Variants in PSD3 observed in about 807,000 individuals in gnomAD.
The protein encoded by PSD3 is PH and SEC7 domain-containing protein 3.
In PSD3, 49 loss-of-function variants were observed where a neutral mutation model predicts 105.5. The observed-to-expected ratio is 0.46, with a 90% confidence interval of 0.37 to 0.59. The LOEUF is 0.59. PSD3 is among the 20% of genes least tolerant of loss of function. The pLI, the probability that PSD3 is intolerant of heterozygous loss-of-function variation, is 0.00. For synonymous variants in PSD3, 557 were observed against 457.8 expected (o/e 1.22, Z -2.77); for missense variants, 1,561 against 1,263.8 (o/e 1.24, Z -3.57).
intron 4 of PSD3, among the ~76,000 whole-genome samples, chr8:18,844,613 A>T (rs1023819762): frequency 1.3e-5 from 2 of 152,178 alleles, no homozygotes; most frequent in African/African-American, 4.8e-5. Context: ...AAAAAATCAG[A>T]CTAGAACATA....
chr8:19,015,926 A>C (rs1347534551), upstream of PSD3, among the ~76,000 whole-genome samples: 1 of 152,226 alleles, frequency 6.6e-6, no homozygotes, highest in Non-Finnish European at 1.5e-5. Context: ...TATAAAGCTG[A>C]TCACATCTAT....
intron 1 of PSD3, among the ~76,000 whole-genome samples, chr8:19,075,601 T>A (rs189924958): frequency 2.0e-5 from 3 of 152,330 alleles, no homozygotes; most frequent in Non-Finnish European, 4.4e-5. Context: ...CTGAAGTGCA[T>A]CTCTACTGAG....
intron 9 of PSD3, among the ~76,000 whole-genome samples, chr8:18,743,845 G>T (rs1039148739): frequency 6.6e-6 from 1 of 151,606 alleles, no homozygotes; most frequent in Non-Finnish European, 1.5e-5. Flanking sequence ...GCTACTTTGA[G>T]GGGGGAGGTT....
chr8:18,816,730 C>T (rs192590619), intron 4 of PSD3, among the ~76,000 whole-genome samples: 2 of 152,290 alleles, frequency 1.3e-5, no homozygotes, highest in African/African-American at 4.8e-5. Flanking sequence ...TCCCTCTGTT[C>T]CTGCCTTTCA....
At chr8:18,628,036 T>C (rs985321514) in intron 11 of PSD3, among the ~76,000 whole-genome samples, 26 of 151,600 alleles carry the variant, frequency 1.7e-4, no homozygotes, top group Middle Eastern at 3.4e-3. Context: ...GATTATGAAA[T>C]GAAAAATGAA....
At chr8:19,056,917 T>C (rs1216258806) in intron 1 of PSD3, among the ~76,000 whole-genome samples, 1 of 152,188 alleles carries the variant, frequency 6.6e-6, no homozygotes, top group Non-Finnish European at 1.5e-5. Context: ...TCCCAAGCTG[T>C]GGGTGATGAG....
In PSD3 at chr8:18,925,204, C is replaced by T. The variant is rs62495872; in HGVS notation, c.130+10830G>A. Among the ~76,000 whole-genome samples, 768 of 152,236 alleles carry T rather than the reference C, an allele frequency of 5.0e-3. 5 individuals are homozygous for T. Among genetic ancestry groups the T allele is most frequent in the Non-Finnish European group, 8.8e-3 (597 of 68,020 alleles). On this transcript the variant is annotated intron_variant, in intron 2 of 15. Transcript: ENST00000327040. ...GAGTTTGAGACCTGCCGGGGCAGCACAGCCAAACCCCATCTCTACAAAACA... is the reference window on the plus strand; with the variant it reads ...GAGTTTGAGACCTGCCGGGGCAGCATAGCCAAACCCCATCTCTACAAAACA...
rs768154468 is a variant in PSD3 at position 18,530,327 on chromosome 8, G to C, written c.*5416C>G. The C allele has an allele frequency of 1.3e-5, 2 of 152,304 alleles. No individual in the cohort carries two copies. Among genetic ancestry groups the C allele is most frequent in the East Asian group, 1.9e-4 (1 of 5,196 alleles). 9.4% of individuals were successfully genotyped at this position (152,304 alleles called of 1,614,324 possible). A position where few individuals can be genotyped will look rare whatever the true frequency, so the allele number is the denominator to read the frequency against. ...AATATTTAAAATAAAGTTTAAACCT[G>C]GTCCTGAAATTCTTTTACCTGTGAC... On this transcript the variant is annotated 3_prime_UTR_variant, in exon 16 of 16. Transcript: ENST00000327040.
chr8:18,618,949 A>T (rs1437176187), intron 11 of PSD3, among the ~76,000 whole-genome samples: 1 of 152,138 alleles, frequency 6.6e-6, no homozygotes, highest in Non-Finnish European at 1.5e-5. Flanking sequence ...ATATCACGGA[A>T]CTTCCTTTTG....
intron 1 of PSD3, among the ~76,000 whole-genome samples, chr8:18,951,440 G>A (rs1823230347): frequency 6.6e-6 from 1 of 152,108 alleles, no homozygotes; most frequent in Admixed American, 6.6e-5. Context: ...CCACGGAACA[G>A]CAGGGCAGTG....
At chr8:18,844,453 G>C (rs1018996171) in intron 4 of PSD3, among the ~76,000 whole-genome samples, 4 of 152,134 alleles carry the variant, frequency 2.6e-5, no homozygotes, top group African/African-American at 7.2e-5. Context: ...GTCTTACATG[G>C]AAACAACTTA....
intron 1 of PSD3, among the ~76,000 whole-genome samples, chr8:18,987,280 A>T (rs370610517): frequency 3.2e-4 from 48 of 148,010 alleles, no homozygotes; most frequent in African/African-American, 1.1e-3. Context: ...TTTCTTTTTT[A>T]TTTTTTTTTT....
chr8:18,954,988 G>A (rs570585165), intron 1 of PSD3, among the ~76,000 whole-genome samples: 4 of 152,160 alleles, frequency 2.6e-5, no homozygotes, highest in Non-Finnish European at 5.9e-5. Context: ...AGACAACGAG[G>A]GAGTCAAATA....
At chr8:18,819,203 CA>C in intron 4 of PSD3, among the ~76,000 whole-genome samples, 1 of 152,328 alleles carries the variant, frequency 6.6e-6, no homozygotes, top group East Asian at 1.9e-4. Flanking sequence ...CAGCTGTTGA[CA>C]AAGCCAGGCT....
At chr8:18,791,728 C>T (rs150316420) in intron 8 of PSD3, among the ~76,000 whole-genome samples, 109 of 152,168 alleles carry the variant, frequency 7.2e-4, no homozygotes, top group Admixed American at 1.7e-3. Flanking sequence ...AATTGACAAA[C>T]GGGATCCAAT....
rs560066044 is a variant in PSD3 at position 19,012,535 on chromosome 8, C to G, written c.21+1028G>C. Among the ~76,000 whole-genome samples, 6 of 152,242 alleles carry G rather than the reference C, an allele frequency of 3.9e-5. No individual in the cohort carries two copies. In the East Asian group the frequency reaches 1.2e-3, roughly 29 times the overall value. Reference sequence around the variant, plus strand: ...CCCTTTCAAGGTCCAGCATAACTGCCAGCTCCTCTCTGAGAACTTCCAAGC... The same window carrying G: ...CCCTTTCAAGGTCCAGCATAACTGCGAGCTCCTCTCTGAGAACTTCCAAGC... On this transcript the variant is annotated intron_variant, in intron 1 of 15. Transcript: ENST00000327040.
At chr8:18,922,775 C>T (rs552401072) in intron 2 of PSD3, among the ~76,000 whole-genome samples, 26 of 152,246 alleles carry the variant, frequency 1.7e-4, no homozygotes, top group Admixed American at 1.7e-3. Flanking sequence ...AATCAGCTCA[C>T]AGAACACAGG....
At chr8:19,041,425 T>C (rs1373332660) in intron 1 of PSD3, among the ~76,000 whole-genome samples, 1 of 152,210 alleles carries the variant, frequency 6.6e-6, no homozygotes, top group African/African-American at 2.4e-5. Context: ...GGTAAAGGGA[T>C]GCACTTTGTG....
upstream of PSD3, among the ~76,000 whole-genome samples, chr8:19,015,399 A>G (rs1001689133): frequency 6.6e-6 from 1 of 152,162 alleles, no homozygotes; most frequent in South Asian, 2.1e-4. Context: ...GAATACAGGC[A>G]TATTTCTCGT....
Sources: gnomAD v4.1 joint callset for allele counts (sites outside exome capture counted in the v4.1 genomes callset) on GRCh38, gnomAD v4.1.1 for gene constraint, MANE v1.5 for transcripts, NCBI Gene and HGNC (gene_info 2026-07-23, HGNC 2026-07-21) for gene names.